PTPRN2: variants seen among roughly 807,000 people sequenced by gnomAD.
PTPRN2 encodes receptor-type tyrosine-protein phosphatase N2.
A neutral mutation model predicts 118.8 loss-of-function variants in PTPRN2; 74 were observed. The ratio of observed to expected loss-of-function variants is 0.62; its 90% CI spans 0.52 to 0.76. The LOEUF (loss-of-function observed/expected upper bound fraction) is 0.76. Among genes scored for constraint, PTPRN2 ranks in the 30% least tolerant of loss-of-function variants. The probability of loss-of-function intolerance (pLI) is 0.00; values close to 1 mark genes in which losing one functional copy is unlikely to be tolerated. For synonymous variants in PTPRN2, 641 were observed against 608.0 expected, an observed-to-expected ratio of 1.05 and a Z score of -0.80; for missense variants, 1,481 against 1,394.4, an observed-to-expected ratio of 1.06 and a Z score of -0.99.
rs762498531 is a variant in PTPRN2, at chr7:157,831,918, C to T, written c.1788+66755G>A. ...GGAGGGCAGTTATGGAGCTCCAGAG[C>T]GGGGTAAGTTGTTGGAAAACGGAAA... On this transcript the variant is annotated intron_variant, in intron 12 of 22. Transcript: ENST00000389418. This position sits in a 1 kb window ranked among gnomAD's most constrained non-coding sequence, Gnocchi z 4.8. Among the ~76,000 whole-genome samples the T allele has an allele frequency of 3.9e-5, 6 of 152,142 alleles. No individual in the cohort carries two copies. Among genetic ancestry groups the T allele is most frequent in the South Asian group, 2.1e-4 (1 of 4,820 alleles).
intron 3 of PTPRN2, among the ~76,000 whole-genome samples, chr7:158,284,174 C>G (rs1799618963): frequency 6.6e-6 from 1 of 152,208 alleles, no homozygotes; most frequent in African/African-American, 2.4e-5. Context: ...CAGGTGCAAT[C>G]CAAGTGTGCA....
At chr7:157,910,449 G>A (rs1798034098) in intron 11 of PTPRN2, among the ~76,000 whole-genome samples, 4 of 146,406 alleles carry the variant, frequency 2.7e-5, no homozygotes, top group South Asian at 4.5e-4. Flanking sequence ...GATCAGGCAC[G>A]TACGCCGGAT....
At chr7:157,607,824 C>T (rs1802094350) in intron 15 of PTPRN2, among the ~76,000 whole-genome samples, 2 of 152,106 alleles carry the variant, frequency 1.3e-5, no homozygotes, top group Non-Finnish European at 2.9e-5. Flanking sequence ...ATGCATTCTA[C>T]GAGCCCGGCC....
At chr7:157,552,700 G>T (rs1393267415) in intron 21 of PTPRN2, among the ~76,000 whole-genome samples, 1 of 152,220 alleles carries the variant, frequency 6.6e-6, no homozygotes, top group Non-Finnish European at 1.5e-5. Flanking sequence ...AACCAAAAAA[G>T]GTGAGTTAAA....
At chr7:158,181,461 T>C (rs1824699061) in intron 5 of PTPRN2, among the ~76,000 whole-genome samples, 1 of 152,182 alleles carries the variant, frequency 6.6e-6, no homozygotes, top group Non-Finnish European at 1.5e-5. Flanking sequence ...ATAGAATTAG[T>C]TAGGGAGGAT....
Position 158,070,569 on chromosome 7 carries a change from A to T in PTPRN2, c.1723+10729T>A, listed in dbSNP as rs533847853. 7.1e-5 allele frequency among the ~76,000 whole-genome samples: 5 copies of T among 70,028 alleles called. 1 individual carries two copies. The East Asian group carries it at 1.6e-3, about 22-fold the overall frequency. The allele number at this position is 70,028 out of a possible 152,430, so 45.9% of individuals were successfully genotyped here. On this transcript the variant is annotated intron_variant, in intron 11 of 22. Transcript: ENST00000389418. ...GTGGAGGTGCCCATGGTGGTGGTGGAGGTGCCCGTGGTGGTGGAGGTGCCT... is the reference window on the plus strand; with the variant it reads ...GTGGAGGTGCCCATGGTGGTGGTGGTGGTGCCCGTGGTGGTGGAGGTGCCT...
rs116378722 is a variant in PTPRN2, at chr7:158,156,706, G to A, written c.910+10225C>T. Among the ~76,000 whole-genome samples the A allele has an allele frequency of 5.5e-3, 838 of 152,306 alleles. 7 individuals are homozygous for A. Among genetic ancestry groups the A allele is most frequent in the African/African-American group, 0.018 (747 of 41,546 alleles). ...GTTCCAGCCTGTGACGCACTCACCC[G>A]TGGGAAGGGGAAAGGCTCCCCCAGT... On this transcript the variant is annotated intron_variant, in intron 6 of 22. Coordinates refer to ENST00000389418, the MANE Select transcript of PTPRN2 (RefSeq NM_002847.5).
intron 2 of PTPRN2, among the ~76,000 whole-genome samples, chr7:158,369,023 T>C (rs756105838): frequency 1.3e-5 from 2 of 152,190 alleles, no homozygotes; most frequent in Non-Finnish European, 1.5e-5. Context: ...GTGGGCACCA[T>C]CTAATCAGTC....
At chr7:158,125,733 G>A (rs1302043062) in intron 9 of PTPRN2, among the ~76,000 whole-genome samples, 1 of 152,180 alleles carries the variant, frequency 6.6e-6, no homozygotes, top group Non-Finnish European at 1.5e-5. Context: ...TGAACAGGAA[G>A]TCACAACACA....
intron 12 of PTPRN2, among the ~76,000 whole-genome samples, chr7:157,733,426 T>C (rs62476398): frequency 0.012 from 87 of 7,554 alleles, no homozygotes; most frequent in Middle Eastern, 0.1. Context: ...GCACAGTTAC[T>C]CTTTTCCGTC....
At chr7:158,184,588 G>C (rs1244246430) in intron 5 of PTPRN2, among the ~76,000 whole-genome samples, 1 of 152,172 alleles carries the variant, frequency 6.6e-6, no homozygotes, top group Non-Finnish European at 1.5e-5. Context: ...ACAGGCAGTG[G>C]ATCACCTGAG....
chr7:158,333,736 A>C (rs12539926), intron 2 of PTPRN2, among the ~76,000 whole-genome samples: 111,810 of 141,610 alleles, frequency 0.79, 41,264 homozygotes, highest in South Asian at 0.86. Flanking sequence ...TCACTCACAC[A>C]CATACTCTCA....
At chr7:157,810,826 C>T (rs936784811) in intron 12 of PTPRN2, among the ~76,000 whole-genome samples, 6 of 152,030 alleles carry the variant, frequency 3.9e-5, no homozygotes, top group Admixed American at 1.3e-4. Flanking sequence ...ACGGGGACGG[C>T]GGGACTGCTG....
In PTPRN2 at chr7:157,861,911, C is replaced by G. The variant is rs1810271715; in HGVS notation, c.1788+36762G>C. On this transcript the variant is annotated intron_variant, in intron 12 of 22. Coordinates refer to ENST00000389418, the MANE Select transcript of PTPRN2 (RefSeq NM_002847.5). This position sits in a 1 kb window ranked among gnomAD's most constrained non-coding sequence, Gnocchi z 5.8. ...CAGGGACACTGCTGCTTCGAGGACT[C>G]TGTGTGCCGGAGTCTGTCCTCCCCA... 7.1e-6 allele frequency among the ~76,000 whole-genome samples: 1 copy of G among 140,050 alleles called. No homozygotes were observed. Among genetic ancestry groups the G allele is most frequent in the Non-Finnish European group, 1.6e-5 (1 of 64,462 alleles). 91.9% of individuals were successfully genotyped at this position (140,050 alleles called of 152,430 possible). A position where few individuals can be genotyped will look rare whatever the true frequency, so the allele number is the denominator to read the frequency against.
At chr7:158,547,641 G>A (rs1826376330) in intron 1 of PTPRN2, among the ~76,000 whole-genome samples, 1 of 152,240 alleles carries the variant, frequency 6.6e-6, no homozygotes, top group Non-Finnish European at 1.5e-5. Flanking sequence ...CAGGGACCCT[G>A]CTGGTGGAGA....
intron 6 of PTPRN2, among the ~76,000 whole-genome samples, chr7:158,159,211 A>G (rs112790937): frequency 6.6e-6 from 1 of 151,178 alleles, no homozygotes; most frequent in African/African-American, 2.4e-5. Context: ...TGCTTTCTGA[A>G]TGAATGAGTG....
At chr7:158,180,748 A>C (rs545246744) in intron 5 of PTPRN2, among the ~76,000 whole-genome samples, 1 of 152,238 alleles carries the variant, frequency 6.6e-6, no homozygotes, top group African/African-American at 2.4e-5. Flanking sequence ...CAGCTTGGTC[A>C]TTGTTGGTAT....
At position 157,671,719 on chromosome 7, in the gene PTPRN2, C is replaced by T. The variant is rs1384241583; in HGVS notation, c.2001+11006G>A. Reference sequence around the variant, plus strand: ...AGCTGCTTCTCCATTTTCGGAACTGCACGTCGTTCTGGGGCCCAATTATTC... The same window carrying T: ...AGCTGCTTCTCCATTTTCGGAACTGTACGTCGTTCTGGGGCCCAATTATTC... On this transcript the variant is annotated intron_variant, in intron 13 of 22. Transcript: ENST00000389418. This position sits in a 1 kb window ranked among gnomAD's most constrained non-coding sequence, Gnocchi z 4.1. 6.6e-6 allele frequency among the ~76,000 whole-genome samples: 1 copy of T among 152,088 alleles called. No individual in the cohort carries two copies. The highest frequency in any genetic ancestry group is 1.5e-5 in the Non-Finnish European group (1 of 68,022).
chr7:158,556,822 A>ACGCAGGTCAGGCAGCTCCCG lies in PTPRN2; in HGVS notation c.112+30716_112+30735dup, dbSNP rs568815467. On this transcript the variant is annotated intron_variant, in intron 1 of 22. Coordinates refer to ENST00000389418, the MANE Select transcript of PTPRN2 (RefSeq NM_002847.5). ...GGCGGCTCCCGCGCAGGTCGCTCCC[A>ACGCAGGTCAGGCAGCTCCCG]CGCAGGTCAGGCAGCTCCCGCGCAG... Among the ~76,000 whole-genome samples the ACGCAGGTCAGGCAGCTCCCG allele has an allele frequency of 3.3e-3, 401 of 121,630 alleles. 1 individual carries two copies. The highest frequency in any genetic ancestry group is 0.013 in the African/African-American group (375 of 29,830). 79.8% of individuals were successfully genotyped at this position (121,630 alleles called of 152,430 possible).
Sources: allele counts gnomAD v4.1 joint callset (sites outside exome capture counted in the v4.1 genomes callset), GRCh38; gene constraint gnomAD v4.1.1; non-coding constraint Gnocchi (gnomAD v3.1); transcripts MANE v1.5; gene names NCBI Gene and HGNC (gene_info 2026-07-23, HGNC 2026-07-21).